The following ALAS1 variants were observed in gnomAD, a reference collection of about 807,000 sequenced individuals.
ALAS1 encodes the protein 5'-aminolevulinate synthase 1.
Under a neutral mutation model 59.6 loss-of-function variants are expected in ALAS1, and 29 were observed. The observed-to-expected ratio is 0.49, with a 90% CI of 0.36 to 0.66. The LOEUF (loss-of-function observed/expected upper bound fraction) is 0.66, where lower values mean the gene tolerates loss of function less well. ALAS1 is among the 30% of genes least tolerant of loss of function. The pLI is 0.00. For synonymous variants in ALAS1, 299 were observed against 296.6 expected, an observed-to-expected ratio of 1.01 and a Z score of -0.08; for missense variants, 690 against 807.5, an observed-to-expected ratio of 0.85 and a Z score of 1.76.
At chr3:52,206,832 G>T in intron 8 of ALAS1, 81 bp downstream of exon 8, 1 of 1,464,534 alleles carries the variant, frequency 6.8e-7, no homozygotes, top group Non-Finnish European at 9.3e-7. Context: ...GTTTTGTTGT[G>T]TTTTTTAATT....
At chr3:52,199,942 C>T (rs1444978658) in intron 3 of ALAS1, among the ~76,000 whole-genome samples, 1 of 152,200 alleles carries the variant, frequency 6.6e-6, no homozygotes, top group Non-Finnish European at 1.5e-5. Flanking sequence ...CTGCCTCAGC[C>T]TTCCAAGTAT....
rs759713207 is a variant in ALAS1 at position 52,206,530 on chromosome 3, C to T, written c.986-42C>T. ...TGTCTTTCTCTAGGAAATAATTTGT[C>T]TTCGATGCACATGGCAATAAATAGC... On this transcript the variant is annotated intron_variant, in intron 7 of 11. Transcript: ENST00000484952. 5.1e-6 allele frequency: 8 copies of T among 1,578,882 alleles called. No individual in the cohort carries two copies. The South Asian group carries it at 9.1e-5, about 18-fold the overall frequency.
intron 6 of ALAS1, 30 bp from the exon 7 acceptor site, chr3:52,205,809 T>C: frequency 6.3e-7 from 1 of 1,585,478 alleles, no homozygotes; most frequent in Non-Finnish European, 8.6e-7. Flanking sequence ...ATGAGCTTTA[T>C]TTTCTGGTTT....
Position 52,206,606 on chromosome 3 carries a change from C to T in ALAS1, c.1020C>T (p.Ala340=), listed in dbSNP as rs776623996. The T allele has an allele frequency of 7.4e-6, 12 of 1,614,074 alleles. No individual in the cohort carries two copies. The African/African-American group carries it at 1.5e-4, about 20-fold the overall frequency. Residue 340 remains alanine, a synonymous_variant, in exon 8 of 12, where the codon GCC becomes GCT. Transcript: ENST00000484952. ...TTTACTCTGATTCTGGGAACCATGC[C>T]TCCATGATCCAAGGGATTCGAAACA... ...CEIYSDSGNH[A]SMIQGIRNSR...
chr3:52,211,979 G>A (rs9813448), intron 10 of ALAS1, among the ~76,000 whole-genome samples: 1,724 of 152,322 alleles, frequency 0.011, 31 homozygotes, highest in African/African-American at 0.039. Flanking sequence ...ATTATACATC[G>A]TGGGTATGAG....
At chr3:52,208,961 G>C (rs574976435) in intron 9 of ALAS1, among the ~76,000 whole-genome samples, 9 of 152,318 alleles carry the variant, frequency 5.9e-5, no homozygotes, top group African/African-American at 2.2e-4. Context: ...TTGTAATTTT[G>C]AAGAATTTTT....
At chr3:52,204,981 G>A in intron 6 of ALAS1, 66 bp downstream of exon 6, 2 of 1,395,080 alleles carry the variant, frequency 1.4e-6, no homozygotes, top group Non-Finnish European at 2.0e-6. Flanking sequence ...ATGTATAGGG[G>A]TTGGATCTTT....
Position 52,204,793 on chromosome 3 carries a change from A to G in ALAS1, c.678A>G (p.Ala226=). Residue 226 remains alanine, a synonymous_variant, in exon 6 of 12, where the codon GCA becomes GCG. Coordinates refer to ENST00000484952, the MANE Select transcript of ALAS1 (RefSeq NM_000688.6). ...TTTTTAAAACTGTGAACCGGCGAGC[A>G]CACATCTTCCCCATGGCAGATGACT... ...YRVFKTVNRR[A]HIFPMADDYS... 1 of 1,614,222 alleles carries G rather than the reference A, an allele frequency of 6.2e-7. No homozygotes were observed. Among genetic ancestry groups the G allele is most frequent in the Admixed American group, 1.7e-5 (1 of 60,030 alleles).
At chr3:52,202,001 G>A (rs959996337) in intron 3 of ALAS1, among the ~76,000 whole-genome samples, 4 of 152,174 alleles carry the variant, frequency 2.6e-5, no homozygotes, top group Non-Finnish European at 5.9e-5. Flanking sequence ...CTTCATAGAC[G>A]CATTGTTTCC....
At chr3:52,205,696 A>C (rs1699277978) in intron 6 of ALAS1, 143 bp from the exon 7 acceptor site, 2 of 741,432 alleles carry the variant, frequency 2.7e-6, no homozygotes, top group Non-Finnish European at 2.1e-6. Context: ...AAATCAGTTG[A>C]AATTTCTGAC....
chr3:52,209,281 C>T (rs1699357029), intron 9 of ALAS1, among the ~76,000 whole-genome samples: 4 of 152,152 alleles, frequency 2.6e-5, no homozygotes, highest in African/African-American at 9.7e-5. Flanking sequence ...GATCTCAGCT[C>T]ACTGCAAGCT....
At position 52,199,409 on chromosome 3, in the gene ALAS1, A is replaced by G. The variant is rs766417411; in HGVS notation, c.168A>G (p.Gln56=). ...RALSTAAVHY[Q]QIKETPPASE... ...TGTCCACTGCAGCAGTACACTACCA[A>G]CAGATCAAAGAAACCCCTCCGGCCA... Residue 56 remains glutamine, a synonymous_variant, in exon 3 of 12, where the codon CAA becomes CAG. Transcript: ENST00000484952. 9.9e-6 allele frequency: 16 copies of G among 1,614,178 alleles called. No homozygotes were observed. Among genetic ancestry groups the G allele is most frequent in the Non-Finnish European group, 1.3e-5 (15 of 1,180,026 alleles).
At chr3:52,207,295 A>G (rs1027933676) in intron 8 of ALAS1, among the ~76,000 whole-genome samples, 3 of 151,024 alleles carry the variant, frequency 2.0e-5, no homozygotes, top group Admixed American at 6.6e-5. Flanking sequence ...GAGCCACCGC[A>G]CCTGGCCTAA....
At chr3:52,202,467 A>G in intron 3 of ALAS1, 40 bp from the exon 4 acceptor site, 2 of 1,513,196 alleles carry the variant, frequency 1.3e-6, no homozygotes, top group Non-Finnish European at 1.8e-6. Context: ...ATACTGTGCA[A>G]CCAGATCTGA....
At chr3:52,213,957 A>G in intron 11 of ALAS1, 63 bp from the exon 12 acceptor site, 1 of 1,457,758 alleles carries the variant, frequency 6.9e-7, no homozygotes, top group Non-Finnish European at 9.4e-7. Context: ...TTGTGTGGAC[A>G]TATGTTTTCA....
Position 52,202,537 on chromosome 3 carries a change from A to G in ALAS1, c.230A>G (p.Gln77Arg). The change falls in exon 4 of 12, where the codon CAG becomes CGG. Residue 77 changes from glutamine (Q) to arginine (R), a missense_variant. Coordinates refer to ENST00000484952, the MANE Select transcript of ALAS1 (RefSeq NM_000688.6). ...AAAACTGCTAAGGCCAAGGTCCAAC[A>G]GACTCCTGATGGATCCCAGCAGAGT... ...KDKTAKAKVQ[Q>R]TPDGSQQSPD... 1 of 1,614,100 alleles carries G rather than the reference A, an allele frequency of 6.2e-7. No homozygotes were observed. The highest frequency in any genetic ancestry group is 1.1e-5 in the South Asian group (1 of 91,084).
chr3:52,199,221 G>A lies in ALAS1; in HGVS notation c.-21G>A. 6.2e-7 allele frequency: 1 copy of A among 1,614,098 alleles called. No homozygotes were observed. Among genetic ancestry groups the A allele is most frequent in the East Asian group, 2.2e-5 (1 of 44,882 alleles). On this transcript the variant is annotated 5_prime_UTR_variant, in exon 3 of 12. Coordinates refer to ENST00000484952, the MANE Select transcript of ALAS1 (RefSeq NM_000688.6). ...TCACTCTTCATCAGTCTTTCCACAG[G>A]AGCCAGCATACTTCCTGAACATGGA...
rs777502828 is a variant in ALAS1, at chr3:52,206,698, C to T, written c.1112C>T (p.Ser371Phe). ...VSHLRELLQR[S>F]DPSVPKIVAF... ...CACCTCAGAGAACTGCTGCAAAGATCTGACCCCTCAGTCCCCAAGATTGTG... is the reference window on the plus strand; with the variant it reads ...CACCTCAGAGAACTGCTGCAAAGATTTGACCCCTCAGTCCCCAAGATTGTG... The change falls in exon 8 of 12, where the codon TCT (serine) becomes TTT (phenylalanine). Residue 371 changes from serine to phenylalanine, a missense_variant. Physicochemically the swap from Ser to Phe is radical, Grantham distance 155. Transcript: ENST00000484952. 2 of 1,614,228 alleles carry T rather than the reference C, an allele frequency of 1.2e-6. No individual in the cohort carries two copies. The highest frequency in any genetic ancestry group is 2.2e-5 in the East Asian group (1 of 44,880).
Position 52,206,834 on chromosome 3 carries a change from T to A in ALAS1, c.1165+83T>A, listed in dbSNP as rs1418790173. 3 of 1,470,588 alleles carry A rather than the reference T, an allele frequency of 2.0e-6. No homozygotes were observed. In the East Asian group the frequency reaches 6.8e-5, roughly 34 times the overall value. The allele number at this position is 1,470,588 out of a possible 1,614,324, so 91.1% of individuals were successfully genotyped here. ...TTAAAAGTATGGTGTTTTGTTGTGT[T>A]TTTTAATTTTTTTTTTTTGTGACCG... On this transcript the variant is annotated intron_variant, in intron 8 of 11. Coordinates refer to ENST00000484952, the MANE Select transcript of ALAS1 (RefSeq NM_000688.6).
Sources: gnomAD v4.1 joint callset for allele counts (sites outside exome capture counted in the v4.1 genomes callset) on GRCh38, gnomAD v4.1.1 for gene constraint, MANE v1.5 for transcripts, NCBI Gene and HGNC (gene_info 2026-07-23, HGNC 2026-07-21) for gene names.